Variants in CA10 observed in about 807,000 individuals in gnomAD.
The protein encoded by CA10 is carbonic anhydrase 10 (inactive).
In CA10, 14 loss-of-function variants were observed where a neutral mutation model predicts 44.2. The ratio of observed to expected loss-of-function variants is 0.32; its 90% CI spans 0.21 to 0.50. The LOEUF is 0.50. Among genes scored for constraint, CA10 ranks in the 20% least tolerant of loss-of-function variants. The probability of loss-of-function intolerance (pLI) is 0.99; values close to 1 mark genes in which losing one functional copy is unlikely to be tolerated. For synonymous variants in CA10, 159 were observed against 141.6 expected, an observed-to-expected ratio of 1.12 and a Z score of -0.87; for missense variants, 350 against 409.7, an observed-to-expected ratio of 0.85 and a Z score of 1.26.
Position 51,959,282 on chromosome 17 carries a change from C to CTGTG in CA10, c.137-28154_137-28151dup, listed in dbSNP as rs71149386. Among the ~76,000 whole-genome samples the CTGTG allele has an allele frequency of 3.5e-3, 472 of 134,398 alleles. 3 individuals carry two copies. The highest frequency in any genetic ancestry group is 0.011 in the African/African-American group (398 of 35,018). The allele number at this position is 134,398 out of a possible 152,430, so 88.2% of individuals were successfully genotyped here. A position where few individuals can be genotyped will look rare whatever the true frequency, so the allele number is the denominator to read the frequency against. ...TTGTTCTCTCTCTCGCTCTCTCTCTCTGTGTGTGTGTGTGTGTGTGTGTGT... is the reference window on the plus strand; with the variant it reads ...TTGTTCTCTCTCTCGCTCTCTCTCTCTGTGTGTGTGTGTGTGTGTGTGTGTGTGT... On this transcript the variant is annotated intron_variant, in intron 2 of 8. Transcript: ENST00000451037.
intron 2 of CA10, among the ~76,000 whole-genome samples, chr17:52,055,835 C>T (rs1292457645): frequency 1.3e-5 from 2 of 152,102 alleles, no homozygotes; most frequent in Non-Finnish European, 2.9e-5. Flanking sequence ...AAAGATCCTT[C>T]AGGGGAAACC....
intron 1 of CA10, among the ~76,000 whole-genome samples, chr17:52,084,253 A>G (rs1444878431): frequency 6.6e-6 from 1 of 152,232 alleles, no homozygotes; most frequent in African/African-American, 2.4e-5. Context: ...TCAATTTGCC[A>G]TGGTGGGACA....
At chr17:52,059,748 C>T (rs1186555740) in intron 2 of CA10, among the ~76,000 whole-genome samples, 1 of 152,070 alleles carries the variant, frequency 6.6e-6, no homozygotes, top group Admixed American at 6.5e-5. Flanking sequence ...TAATGACTGA[C>T]TACCTCCAAT....
intron 2 of CA10, among the ~76,000 whole-genome samples, chr17:52,042,789 G>A (rs910472344): frequency 1.3e-5 from 2 of 151,788 alleles, no homozygotes; most frequent in African/African-American, 4.8e-5. Flanking sequence ...GTAAAACAAC[G>A]GTCTAATTCC....
At chr17:51,811,327 A>C (rs1395173662) in intron 3 of CA10, among the ~76,000 whole-genome samples, 1 of 152,184 alleles carries the variant, frequency 6.6e-6, no homozygotes, top group Non-Finnish European at 1.5e-5. Context: ...TCTAGGGTAC[A>C]TGTGCACAAC....
chr17:52,006,101 C>T (rs1424225695), intron 2 of CA10, among the ~76,000 whole-genome samples: 2 of 151,712 alleles, frequency 1.3e-5, no homozygotes, highest in Admixed American at 6.6e-5. Flanking sequence ...ACTATAAAAT[C>T]GCTGATGAAC....
At chr17:51,989,878 G>A (rs184674452) in intron 2 of CA10, among the ~76,000 whole-genome samples, 1 of 152,208 alleles carries the variant, frequency 6.6e-6, no homozygotes, top group Admixed American at 6.6e-5. Context: ...CCTCCAAAAA[G>A]CAATTATTAT....
At chr17:51,783,820 G>A (rs908708710) in intron 3 of CA10, among the ~76,000 whole-genome samples, 6 of 152,186 alleles carry the variant, frequency 3.9e-5, no homozygotes, top group African/African-American at 1.4e-4. Context: ...AGGAGGCTGA[G>A]GTTCTGAGGT....
At chr17:51,671,799 A>G (rs1229612905) in intron 4 of CA10, among the ~76,000 whole-genome samples, 6 of 152,086 alleles carry the variant, frequency 3.9e-5, no homozygotes, top group Non-Finnish European at 1.5e-5. Flanking sequence ...CTAAATTGCT[A>G]TCTCCTCCAT....
At chr17:51,801,302 C>T (rs1906918365) in intron 3 of CA10, among the ~76,000 whole-genome samples, 1 of 152,110 alleles carries the variant, frequency 6.6e-6, no homozygotes, top group Admixed American at 6.5e-5. Flanking sequence ...AAGGTCCACC[C>T]ATCCAACTTG....
chr17:51,907,005 T>A lies in CA10; in HGVS notation c.279+23985A>T, dbSNP rs1218680413. On this transcript the variant is annotated intron_variant, in intron 3 of 8. Transcript: ENST00000451037. The stretch of plus-strand genomic sequence containing the variant: ...TTCACACAGCACACAGCAGTTGGAG[T>A]GATCTTTCAATAACCTGTACCAAGT... Among the ~76,000 whole-genome samples the A allele has an allele frequency of 2.0e-5, 3 of 152,118 alleles. No individual in the cohort carries two copies. The East Asian group carries it at 5.8e-4, about 29-fold the overall frequency.
chr17:51,986,055 GC>G (rs1209049122), intron 2 of CA10, among the ~76,000 whole-genome samples: 2 of 151,698 alleles, frequency 1.3e-5, no homozygotes, highest in African/African-American at 4.8e-5. Flanking sequence ...GCAACACTAA[GC>G]AAAAAAGAAC....
intron 1 of CA10, among the ~76,000 whole-genome samples, chr17:52,146,514 C>T (rs985060653): frequency 6.6e-6 from 1 of 151,824 alleles, no homozygotes; most frequent in African/African-American, 2.4e-5. Context: ...CACAGTGAAA[C>T]CCCGCCTCTA....
chr17:51,775,498 A>G (rs1905785766), intron 3 of CA10, among the ~76,000 whole-genome samples: 1 of 152,224 alleles, frequency 6.6e-6, no homozygotes, highest in Non-Finnish European at 1.5e-5. Context: ...GCCATCTCCA[A>G]CACAAGTAAG....
At chr17:52,052,288 G>C (rs1410146298) in intron 2 of CA10, among the ~76,000 whole-genome samples, 4 of 23,204 alleles carry the variant, frequency 1.7e-4, no homozygotes, top group African/African-American at 2.5e-4. Context: ...AACTTAAAAG[G>C]CTTTTTTTTT....
Position 52,061,804 on chromosome 17 carries a change from G to C in CA10, c.136+10515C>G, listed in dbSNP as rs188430446. Among the ~76,000 whole-genome samples the C allele has an allele frequency of 2.6e-3, 393 of 152,234 alleles. 1 individual carries two copies. Among genetic ancestry groups the C allele is most frequent in the Non-Finnish European group, 4.6e-3 (311 of 68,010 alleles). On this transcript the variant is annotated intron_variant, in intron 2 of 8. Coordinates refer to ENST00000451037, the MANE Select transcript of CA10 (RefSeq NM_020178.5). ...ACTGTGAGTCAATTAAACCTCCTCT[G>C]TTTATAAATTACCCAGTCTTGGGTA...
At position 52,072,535 on chromosome 17, in the gene CA10, TTCCC is replaced by T. The variant is rs1188882339; in HGVS notation, c.62-146_62-143del. 2.4e-5 allele frequency: 10 copies of T among 423,276 alleles called. No individual in the cohort carries two copies. In the Admixed American group the frequency reaches 2.5e-4, roughly 11 times the overall value. 26.2% of individuals were successfully genotyped at this position (423,276 alleles called of 1,614,324 possible). ...ACTACAACAGAACCTTCCTTCTCCC[TTCCC>T]TTTTTTTTTTCAAATAGATCATTGA... On this transcript the variant is annotated intron_variant, in intron 1 of 8. Transcript: ENST00000451037.
At chr17:51,943,930 T>C (rs943949695) in intron 2 of CA10, among the ~76,000 whole-genome samples, 1 of 152,136 alleles carries the variant, frequency 6.6e-6, no homozygotes, top group African/African-American at 2.4e-5. Context: ...CATTCAAATG[T>C]TGCCTCCTGC....
At chr17:51,958,686 CA>C (rs535937711) in intron 2 of CA10, among the ~76,000 whole-genome samples, 262 of 152,214 alleles carry the variant, frequency 1.7e-3, no homozygotes, top group Non-Finnish European at 2.8e-3. Flanking sequence ...TATACCTTAG[CA>C]AGGCAGGCTA....
Sources: gnomAD v4.1 joint callset for allele counts (sites outside exome capture counted in the v4.1 genomes callset) on GRCh38, gnomAD v4.1.1 for gene constraint, MANE v1.5 for transcripts, NCBI Gene and HGNC (gene_info 2026-07-23, HGNC 2026-07-21) for gene names.